The following PCDH11X variants were observed in gnomAD, a reference collection of about 807,000 sequenced individuals.
PCDH11X encodes the protein protocadherin 11 X-linked.
In PCDH11X, 18 loss-of-function variants were observed where a neutral mutation model predicts 53.3. That is an observed-to-expected ratio of 0.34 (90% confidence interval 0.23 to 0.50). The LOEUF is 0.50. Ranked by LOEUF, PCDH11X falls within the 20% of genes least tolerant of loss-of-function variation. The pLI is 0.98. For synonymous variants in PCDH11X, 279 were observed against 393.3 expected (o/e 0.71, Z 3.44); for missense variants, 570 against 1,032.4 (o/e 0.55, Z 6.14).
chrX:92,222,911 TAA>T (rs2066908274), intron 7 of PCDH11X, among the ~76,000 whole-genome samples: 2 of 112,464 alleles, frequency 1.8e-5, no homozygotes, highest in African/African-American at 6.5e-5. Context: ...GAAAGAAGTG[TAA>T]AGTTACTTTC....
intron 6 of PCDH11X, among the ~76,000 whole-genome samples, chrX:92,084,745 C>A (rs1018342825): frequency 3.2e-4 from 35 of 110,755 alleles, no homozygotes; most frequent in African/African-American, 1.1e-3. Context: ...TACCTCTTGA[C>A]CTTTAGAGGG....
intron 6 of PCDH11X, among the ~76,000 whole-genome samples, chrX:91,904,185 T>C (rs1941064547): frequency 9.0e-6 from 1 of 111,151 alleles, no homozygotes; most frequent in East Asian, 2.8e-4. Context: ...TATATTATGT[T>C]AGTGCAAAGG....
chrX:92,508,658 T>C (rs1414506986), intron 10 of PCDH11X, among the ~76,000 whole-genome samples: 1 of 109,713 alleles, frequency 9.1e-6, no homozygotes, highest in African/African-American at 3.3e-5. Context: ...ATAAATAGAA[T>C]ATGGTAAAAT....
intron 8 of PCDH11X, among the ~76,000 whole-genome samples, chrX:92,317,479 G>A (rs1225773741): frequency 1.8e-5 from 2 of 111,046 alleles, no homozygotes; most frequent in Non-Finnish European, 3.8e-5. Flanking sequence ...AATGCACATT[G>A]TATTTTAAAA....
At chrX:92,346,264 T>C (rs937961872) in intron 8 of PCDH11X, among the ~76,000 whole-genome samples, 2 of 111,476 alleles carry the variant, frequency 1.8e-5, no homozygotes, top group African/African-American at 6.5e-5. Context: ...GTCAGTCTTA[T>C]TGTCTTTTAA....
intron 6 of PCDH11X, among the ~76,000 whole-genome samples, chrX:92,142,937 C>A (rs1029316861): frequency 2.2e-4 from 24 of 108,046 alleles, no homozygotes; most frequent in Non-Finnish European, 3.4e-4. Context: ...CACACACACA[C>A]ACATATCTAC....
intron 7 of PCDH11X, among the ~76,000 whole-genome samples, chrX:92,247,418 G>A (rs148586737): frequency 8.9e-5 from 10 of 111,780 alleles, no homozygotes; most frequent in African/African-American, 3.2e-4. Flanking sequence ...TTTTCCTGAG[G>A]TGGAAGCATG....
chrX:92,380,399 T>A (rs2070849727), intron 8 of PCDH11X, among the ~76,000 whole-genome samples: 1 of 112,008 alleles, frequency 8.9e-6, no homozygotes, highest in Non-Finnish European at 1.9e-5. Flanking sequence ...GTGGGTGGAA[T>A]AAGCCCAGTG....
At chrX:92,191,067 G>C (rs1302093149) in intron 6 of PCDH11X, among the ~76,000 whole-genome samples, 1 of 111,474 alleles carries the variant, frequency 9.0e-6, no homozygotes, top group Non-Finnish European at 1.9e-5. Flanking sequence ...TTTCATACTT[G>C]CTTGTTATTC....
chrX:92,230,304 C>G (rs1032639000), intron 7 of PCDH11X, among the ~76,000 whole-genome samples: 5 of 103,208 alleles, frequency 4.8e-5, no homozygotes, highest in African/African-American at 1.8e-4. Flanking sequence ...AGTTTTAAGT[C>G]AGTTTGAAAA....
intron 9 of PCDH11X, among the ~76,000 whole-genome samples, chrX:92,418,101 T>C (rs891812438): frequency 3.5e-4 from 37 of 106,759 alleles, no homozygotes; most frequent in Non-Finnish European, 7.0e-4. Flanking sequence ...ATGCTTCCAT[T>C]GCCCCAAGCT....
At chrX:92,517,410 A>G (rs1316397694) in intron 10 of PCDH11X, among the ~76,000 whole-genome samples, 3 of 111,975 alleles carry the variant, frequency 2.7e-5, no homozygotes, top group Non-Finnish European at 5.6e-5. Flanking sequence ...AAAGCTGGCA[A>G]TGGTTTAAAC....
At chrX:91,836,659 T>A (rs182240202) in intron 5 of PCDH11X, among the ~76,000 whole-genome samples, 1 of 111,579 alleles carries the variant, frequency 9.0e-6, no homozygotes, top group Non-Finnish European at 1.9e-5. Flanking sequence ...AATATTTTCA[T>A]TTTTTTACAA....
intron 6 of PCDH11X, among the ~76,000 whole-genome samples, chrX:92,128,127 A>G (rs1300241973): frequency 1.8e-5 from 2 of 111,974 alleles, no homozygotes; most frequent in Non-Finnish European, 3.8e-5. Flanking sequence ...ACAGTTAATT[A>G]TAATGAATGT....
chrX:91,833,599 C>A (rs1479097980), intron 4 of PCDH11X, among the ~76,000 whole-genome samples: 1 of 111,307 alleles, frequency 9.0e-6, no homozygotes, highest in Non-Finnish European at 1.9e-5. Context: ...TCATTGAATT[C>A]ATAGTATATA....
At chrX:91,913,675 C>T (rs1413995229) in intron 6 of PCDH11X, among the ~76,000 whole-genome samples, 1 of 111,517 alleles carries the variant, frequency 9.0e-6, no homozygotes, top group Non-Finnish European at 1.9e-5. Flanking sequence ...TATGGCCCCA[C>T]CCAACACCTG....
intron 6 of PCDH11X, among the ~76,000 whole-genome samples, chrX:92,025,964 C>T (rs1259823871): frequency 2.7e-5 from 3 of 110,739 alleles, no homozygotes; most frequent in Admixed American, 9.7e-5. Context: ...CCAAATATCG[C>T]GTGTTCTCAC....
chrX:92,345,448 A>G (rs1355460143), intron 8 of PCDH11X, among the ~76,000 whole-genome samples: 1 of 110,445 alleles, frequency 9.1e-6, no homozygotes, highest in African/African-American at 3.3e-5. Context: ...GACTTAGAAT[A>G]TGAAGCTTTA....
At chrX:92,403,336 T>TG (rs2071431383) in intron 9 of PCDH11X, among the ~76,000 whole-genome samples, 1 of 76,506 alleles carries the variant, frequency 1.3e-5, no homozygotes, top group African/African-American at 6.4e-5. Context: ...TACGTTTTTT[T>TG]TTGTTTTTTT....
Sources: gnomAD v4.1 joint callset for allele counts (sites outside exome capture counted in the v4.1 genomes callset) on GRCh38, gnomAD v4.1.1 for gene constraint, MANE v1.5 for transcripts, NCBI Gene and HGNC (gene_info 2026-07-23, HGNC 2026-07-21) for gene names.